Variants in INTS1 observed in about 807,000 individuals in gnomAD.
The protein encoded by INTS1 is integrator complex subunit 1.
INTS1 carries 137 observed loss-of-function variants against 241.6 expected under a neutral mutation model. The observed-to-expected ratio is 0.57, with a 90% CI of 0.49 to 0.65. The LOEUF is 0.65. Among genes scored for constraint, INTS1 ranks in the 30% least tolerant of loss-of-function variants. The pLI is 0.00. For missense variants in INTS1, 3,073 were observed against 3,032.2 expected (o/e 1.01, Z -0.32); for synonymous variants, 1,692 against 1,337.8 (o/e 1.26, Z -5.78).
At chr7:1,499,404 C>CCAAAA in intron 6 of INTS1, 44 bp from the exon 7 acceptor site, 1 of 1,540,084 alleles carries the variant, frequency 6.5e-7, no homozygotes, top group Non-Finnish European at 8.8e-7. Flanking sequence ...TCCCACCCGC[C>CCAAAA]CATCCTCCCA....
chr7:1,503,874 C>G (rs1303486925), intron 2 of INTS1, 29 bp downstream of exon 2: 18 of 1,538,454 alleles, frequency 1.2e-5, no homozygotes, highest in Non-Finnish European at 1.6e-5. Flanking sequence ...CAAAGACCCC[C>G]GGGCTGCAGA....
intron 37 of INTS1, 26 bp from the exon 38 acceptor site, chr7:1,476,481 C>T (rs369988593): frequency 7.1e-4 from 915 of 1,286,034 alleles, no homozygotes; most frequent in Non-Finnish European, 8.6e-4. Flanking sequence ...GCATCAGCCC[C>T]GGAGCACCAC....
intron 24 of INTS1, 93 bp from the exon 25 acceptor site, chr7:1,484,263 G>A (rs979864034): frequency 7.4e-7 from 1 of 1,348,518 alleles, no homozygotes; most frequent in Non-Finnish European, 1.0e-6. Flanking sequence ...CTCTCACTGG[G>A]ATCTTAAGCA....
At chr7:1,495,348 G>C in intron 13 of INTS1, 85 bp downstream of exon 13, 1 of 1,492,080 alleles carries the variant, frequency 6.7e-7, no homozygotes, top group Non-Finnish European at 9.0e-7. Context: ...GCTCAGTGGG[G>C]TTTGGGGCAG....
chr7:1,479,337 C>A, intron 31 of INTS1, 93 bp downstream of exon 31: 1 of 1,401,934 alleles, frequency 7.1e-7, no homozygotes, highest in Non-Finnish European at 9.6e-7. Flanking sequence ...ACCCAAGACC[C>A]ACAGAGGAGC....
intron 26 of INTS1, 198 bp from the exon 27 acceptor site, chr7:1,482,905 T>C (rs1247882884): frequency 1.6e-6 from 1 of 612,856 alleles, no homozygotes; most frequent in East Asian, 2.9e-5. Flanking sequence ...TCCTCACAGA[T>C]GCTGCAGGAA....
intron 18 of INTS1, among the ~76,000 whole-genome samples, chr7:1,488,856 G>A (rs958970457): frequency 4.6e-5 from 7 of 152,312 alleles, no homozygotes; most frequent in Middle Eastern, 3.4e-3. Flanking sequence ...AGGCTGTGCC[G>A]ACTCTCGTCC....
chr7:1,477,892 G>T lies in INTS1; in HGVS notation c.4675C>A (p.Leu1559Met). 2 of 1,612,514 alleles carry T rather than the reference G, an allele frequency of 1.2e-6. No homozygotes were observed. The highest frequency in any genetic ancestry group is 4.5e-5 in the East Asian group (2 of 44,900). ...IEVRSPHLEELLTAFFSATAD... is the reference protein window; with the variant it reads ...IEVRSPHLEEMLTAFFSATAD... Reference sequence around the variant, plus strand: ...GTGGCAGAGAAGAATGCAGTCAGCAGCTCCTCCAGGTGGGGGGACCTCACC... The same window carrying T: ...GTGGCAGAGAAGAATGCAGTCAGCATCTCCTCCAGGTGGGGGGACCTCACC... Residue 1559 changes from leucine to methionine, a missense_variant, in exon 34 of 48, where the codon CTG becomes ATG. Physicochemically the swap from Leu to Met is conservative, Grantham distance 15. Coordinates refer to ENST00000404767, the MANE Select transcript of INTS1 (RefSeq NM_001080453.3).
chr7:1,485,658 G>C (rs1782224247), intron 22 of INTS1, 189 bp from the exon 23 acceptor site: 1 of 633,806 alleles, frequency 1.6e-6, no homozygotes, highest in African/African-American at 1.8e-5. Flanking sequence ...TTCTGTTCAA[G>C]TTCCTGAAGC....
At chr7:1,474,104 G>GC in intron 41 of INTS1, 64 bp downstream of exon 41, 1 of 1,473,158 alleles carries the variant, frequency 6.8e-7, no homozygotes, top group South Asian at 1.4e-5. Context: ...AGTGGGTGAG[G>GC]CAGGCCTGGG....
chr7:1,489,375 G>A lies in INTS1; in HGVS notation c.2287C>T (p.Leu763=). The change falls in exon 18 of 48, where the codon CTG becomes TTG. Residue 763 remains leucine, a synonymous_variant. Transcript: ENST00000404767. The part of the protein sequence containing the change: ...GLAAWEEYPT[L]KMLMEMVMTN... ...ATCACCATCTCCATGAGCATCTTCA[G>A]GGTCGGGTACTCCTCCCACGCAGCC... 1 of 1,609,604 alleles carries A rather than the reference G, an allele frequency of 6.2e-7. No individual in the cohort carries two copies. Among genetic ancestry groups the A allele is most frequent in the Non-Finnish European group, 8.5e-7 (1 of 1,178,634 alleles).
At position 1,496,264 on chromosome 7, in the gene INTS1, C is replaced by G; in HGVS notation, c.1603G>C (p.Glu535Gln). 6.2e-7 allele frequency: 1 copy of G among 1,613,512 alleles called. No homozygotes were observed. The highest frequency in any genetic ancestry group is 8.5e-7 in the Non-Finnish European group (1 of 1,179,700). The change falls in exon 12 of 48, where the codon GAG becomes CAG. Residue 535 changes from glutamate (E) to glutamine (Q), a missense_variant and splice_region_variant. Coordinates refer to ENST00000404767, the MANE Select transcript of INTS1 (RefSeq NM_001080453.3). Reference protein sequence around the residue: ...EPQYLEMEFKERFVVHITDVL... With the variant: ...EPQYLEMEFKQRFVVHITDVL... The stretch of plus-strand genomic sequence containing the variant: ...TCGGTGATGTGCACCACGAAGCGCT[C>G]CTGCAGGTGCAGCACGGGGTCTGTA...
rs1244355078 is a variant in INTS1, at chr7:1,476,346, G to A, written c.5261C>T (p.Ala1754Val). The A allele has an allele frequency of 6.3e-7, 1 of 1,579,794 alleles. No homozygotes were observed. The highest frequency in any genetic ancestry group is 1.2e-5 in the South Asian group (1 of 86,448). ...CAGCCGGGCCTGGATGAGGCTGCAG[G>A]CGGCTGTGTCCCCGTCCTGGCTCCG... is the stretch of plus-strand genomic sequence containing the variant. ...ETRSQDGDTA[A>V]CSLIQARLPL... Residue 1754 changes from alanine to valine, a missense_variant, in exon 38 of 48, where the codon GCC becomes GTC. Coordinates refer to ENST00000404767, the MANE Select transcript of INTS1 (RefSeq NM_001080453.3).
At position 1,502,026 on chromosome 7, in the gene INTS1, C is replaced by A. The variant is rs181715598; in HGVS notation, c.349+875G>T. ...CTTCCAGGGCCGTCGGGGACTCACTCACAGGCTTGCACTGCAGCAGCCTGG... is the reference window on the plus strand; with the variant it reads ...CTTCCAGGGCCGTCGGGGACTCACTAACAGGCTTGCACTGCAGCAGCCTGG... On this transcript the variant is annotated intron_variant, in intron 3 of 47. Coordinates refer to ENST00000404767, the MANE Select transcript of INTS1 (RefSeq NM_001080453.3). Among the ~76,000 whole-genome samples, 10 of 152,248 alleles carry A rather than the reference C, an allele frequency of 6.6e-5. No individual in the cohort carries two copies. The East Asian group carries it at 1.9e-3, about 29-fold the overall frequency.
At chr7:1,475,862 C>A in intron 39 of INTS1, 86 bp downstream of exon 39, 1 of 1,472,368 alleles carries the variant, frequency 6.8e-7, no homozygotes, top group South Asian at 1.3e-5. Flanking sequence ...CGGCGATGGC[C>A]ATGTACACTG....
chr7:1,477,730 C>A, intron 34 of INTS1, 23 bp downstream of exon 34: 1 of 1,609,776 alleles, frequency 6.2e-7, no homozygotes, highest in Non-Finnish European at 8.5e-7. Flanking sequence ...CCCACCCTGG[C>A]CGTGTGCAGC....
Position 1,500,196 on chromosome 7 carries a change from T to C in INTS1, c.520A>G (p.Ile174Val). Residue 174 changes from isoleucine (I) to valine (V), a missense_variant, in exon 4 of 48, where the codon ATC becomes GTC. Transcript: ENST00000404767. ...LMYLAKIKPNIFATEGVIEAL... is the reference protein window; with the variant it reads ...LMYLAKIKPNVFATEGVIEAL... ...TCAATGACGCCCTCAGTGGCGAAGA[T>C]GTTGGGCTTGATCTTGGCCAGGTAC... 1 of 1,598,778 alleles carries C rather than the reference T, an allele frequency of 6.3e-7. No homozygotes were observed. Among genetic ancestry groups the C allele is most frequent in the Non-Finnish European group, 8.5e-7 (1 of 1,170,296 alleles).
chr7:1,484,480 A>G (rs1782152471), intron 24 of INTS1, among the ~76,000 whole-genome samples: 1 of 152,208 alleles, frequency 6.6e-6, no homozygotes, highest in Admixed American at 6.5e-5. Flanking sequence ...CGGGCCACCA[A>G]CTTTCACTAG....
Position 1,487,925 on chromosome 7 carries a change from T to C in INTS1, c.2351A>G (p.Asp784Gly). The change falls in exon 19 of 48, where the codon GAT (aspartate) becomes GGT (glycine). Residue 784 changes from aspartate (D) to glycine (G), a missense_variant. By Grantham distance (94) the Asp-to-Gly change is moderately conservative. Transcript: ENST00000404767. ...NYSYPPCTLT[D>G]EETRTEMLNR... is the part of the protein sequence containing the mutation. The stretch of plus-strand genomic sequence containing the variant: ...CAGCATCTCCGTCCGGGTCTCCTCA[T>C]CCGTCAGGGTGCACGGTGGGTAGGA... 3 of 1,613,324 alleles carry C rather than the reference T, an allele frequency of 1.9e-6. No homozygotes were observed. Among genetic ancestry groups the C allele is most frequent in the Non-Finnish European group, 2.5e-6 (3 of 1,179,824 alleles).
Sources: allele counts gnomAD v4.1 joint callset (sites outside exome capture counted in the v4.1 genomes callset), GRCh38; gene constraint gnomAD v4.1.1; transcripts MANE v1.5; gene names NCBI Gene and HGNC (gene_info 2026-07-23, HGNC 2026-07-21).